MTREX: variants seen among roughly 807,000 people sequenced by gnomAD.
The protein encoded by MTREX is Mtr4 exosome RNA helicase.
In MTREX, 76 loss-of-function variants were observed where a neutral mutation model predicts 135.4. The observed-to-expected ratio is 0.56, with a 90% CI of 0.47 to 0.68. The LOEUF is 0.68. Ranked by LOEUF, MTREX falls within the 30% of genes least tolerant of loss-of-function variation. The pLI, the probability that MTREX is intolerant of heterozygous loss-of-function variation, is 0.00. For missense variants in MTREX, 920 were observed against 1,262.1 expected, an observed-to-expected ratio of 0.73 and a Z score of 4.11; for synonymous variants, 404 against 401.6, an observed-to-expected ratio of 1.01 and a Z score of -0.07.
intron 16 of MTREX, among the ~76,000 whole-genome samples, chr5:55,370,795 A>G (rs1294155306): frequency 6.6e-6 from 1 of 152,166 alleles, no homozygotes; most frequent in Non-Finnish European, 1.5e-5. Context: ...TTGCAGGAGT[A>G]TACTTCTTTT....
chr5:55,381,893 T>C (rs1750401592), intron 18 of MTREX, among the ~76,000 whole-genome samples: 1 of 152,236 alleles, frequency 6.6e-6, no homozygotes, highest in Admixed American at 6.5e-5. Context: ...TTTCCCTTCA[T>C]TTCTATCAGT....
rs368072163 is a variant in MTREX at position 55,312,014 on chromosome 5, A to G, written c.134+3867A>G. Among the ~76,000 whole-genome samples the G allele has an allele frequency of 9.9e-5, 15 of 152,196 alleles. 1 individual carries two copies. The highest frequency in any genetic ancestry group is 9.6e-4 in the East Asian group (5 of 5,194). On this transcript the variant is annotated intron_variant, in intron 1 of 26. Coordinates refer to ENST00000230640, the MANE Select transcript of MTREX (RefSeq NM_015360.5). Reference sequence around the variant, plus strand: ...TTACATCATAATGTCTGAATATTCTACTGTTCTAAGATTGACAAGTTGGCG... The same window carrying G: ...TTACATCATAATGTCTGAATATTCTGCTGTTCTAAGATTGACAAGTTGGCG...
At chr5:55,354,004 AAGAG>A (rs1407375995) in intron 14 of MTREX, among the ~76,000 whole-genome samples, 1 of 152,220 alleles carries the variant, frequency 6.6e-6, no homozygotes, top group Admixed American at 6.5e-5. Flanking sequence ...GGCAGAAGCA[AAGAG>A]AGAAAGTTGG....
chr5:55,425,112 T>C lies in MTREX; in HGVS notation c.*340T>C. On this transcript the variant is annotated 3_prime_UTR_variant, in exon 27 of 27. Coordinates refer to ENST00000230640, the MANE Select transcript of MTREX (RefSeq NM_015360.5). The stretch of plus-strand genomic sequence containing the variant: ...AGCAGCAGCAGAAGTCTTTAAAGGC[T>C]TGTACACCAGGAAGAAAGATGCATC... The C allele has an allele frequency of 6.8e-7, 1 of 1,472,024 alleles. No homozygotes were observed. Among genetic ancestry groups the C allele is most frequent in the Non-Finnish European group, 9.2e-7 (1 of 1,090,930 alleles). The allele number at this position is 1,472,024 out of a possible 1,614,324, so 91.2% of individuals were successfully genotyped here.
At chr5:55,373,402 C>T (rs1439176868) in intron 16 of MTREX, among the ~76,000 whole-genome samples, 1 of 151,736 alleles carries the variant, frequency 6.6e-6, no homozygotes, top group Non-Finnish European at 1.5e-5. Flanking sequence ...CCAGGGAGGA[C>T]AGGATTTGGG....
In MTREX at chr5:55,390,391, G is replaced by A. The variant is rs750008691; in HGVS notation, c.2181+2289G>A. Among the ~76,000 whole-genome samples the A allele has an allele frequency of 1.1e-4, 16 of 152,072 alleles. 1 individual carries two copies. The East Asian group carries it at 1.5e-3, about 15-fold the overall frequency. ...GCTGGGATTACGTGCATGAGCCACC[G>A]CACCTGGCCTTGAAGACTACTTTCT... is the stretch of plus-strand genomic sequence containing the variant. On this transcript the variant is annotated intron_variant, in intron 19 of 26. Coordinates refer to ENST00000230640, the MANE Select transcript of MTREX (RefSeq NM_015360.5).
At chr5:55,415,606 G>A (rs922084261) in intron 24 of MTREX, among the ~76,000 whole-genome samples, 1 of 152,168 alleles carries the variant, frequency 6.6e-6, no homozygotes, top group African/African-American at 2.4e-5. Context: ...AATGTATTTT[G>A]CTCTAGGATT....
At chr5:55,380,690 G>T (rs1191415293) in intron 18 of MTREX, among the ~76,000 whole-genome samples, 1 of 151,890 alleles carries the variant, frequency 6.6e-6, no homozygotes, top group Non-Finnish European at 1.5e-5. Flanking sequence ...TGTTTTTGAG[G>T]ATTTTTTATG....
chr5:55,396,913 G>T (rs1481011992), intron 19 of MTREX, among the ~76,000 whole-genome samples: 2 of 152,158 alleles, frequency 1.3e-5, no homozygotes, highest in Admixed American at 1.3e-4. Context: ...TTTGACAAGA[G>T]AAAACATGGA....
At chr5:55,345,743 T>G (rs1469712155) in intron 10 of MTREX, among the ~76,000 whole-genome samples, 1 of 121,918 alleles carries the variant, frequency 8.2e-6, no homozygotes, top group African/African-American at 3.7e-5. Flanking sequence ...CTTGGCTCAT[T>G]GCAACTTTCT....
chr5:55,345,951 G>A (rs1450287094), intron 10 of MTREX, among the ~76,000 whole-genome samples: 1 of 152,142 alleles, frequency 6.6e-6, no homozygotes, highest in Non-Finnish European at 1.5e-5. Flanking sequence ...ACAGGTGTGA[G>A]CCACTGTGCC....
chr5:55,322,245 G>A, intron 1 of MTREX, 82 bp from the exon 2 acceptor site: 1 of 1,122,822 alleles, frequency 8.9e-7, no homozygotes, highest in South Asian at 2.5e-5. Context: ...TTCTGTTAAT[G>A]GTATAGAGCA....
intron 18 of MTREX, among the ~76,000 whole-genome samples, chr5:55,379,713 A>G (rs897726739): frequency 2.0e-5 from 3 of 152,170 alleles, no homozygotes; most frequent in Admixed American, 6.5e-5. Context: ...TCTGACAGCT[A>G]TTAAATTCTC....
Position 55,366,892 on chromosome 5 carries a change from A to G in MTREX, c.1810+17A>G, listed in dbSNP as rs368592237. ...TAGTAGAGAGTAAGTATAAAATACC[A>G]TAACAGAGCTTAGTGTAGCTAGGAG... On this transcript the variant is annotated intron_variant, in intron 16 of 26. Transcript: ENST00000230640. 13 of 1,571,666 alleles carry G rather than the reference A, an allele frequency of 8.3e-6. No individual in the cohort carries two copies. The East Asian group carries it at 1.6e-4, about 19-fold the overall frequency.
At chr5:55,380,808 G>A (rs1750384382) in intron 18 of MTREX, among the ~76,000 whole-genome samples, 1 of 152,094 alleles carries the variant, frequency 6.6e-6, no homozygotes, top group African/African-American at 2.4e-5. Flanking sequence ...TTAGGGTAAT[G>A]CAGGCCTCAT....
At chr5:55,392,258 T>C (rs1241907264) in intron 19 of MTREX, among the ~76,000 whole-genome samples, 2 of 152,108 alleles carry the variant, frequency 1.3e-5, no homozygotes, top group East Asian at 1.9e-4. Context: ...TAAGTTCTCC[T>C]GTCTGGCCAG....
chr5:55,409,557 A>G (rs1750855218), intron 22 of MTREX, among the ~76,000 whole-genome samples: 1 of 152,218 alleles, frequency 6.6e-6, no homozygotes, highest in African/African-American at 2.4e-5. Flanking sequence ...AAGTCTGTAT[A>G]TGAAAATGTT....
rs1239609874 is a variant in MTREX at position 55,381,537 on chromosome 5, G to T, written c.2052+2342G>T. ...TAACCCATTGGTTATTTAGGAGAGT[G>T]TTAATGTTCACATACTTGTTAATTT... On this transcript the variant is annotated intron_variant, in intron 18 of 26. Coordinates refer to ENST00000230640, the MANE Select transcript of MTREX (RefSeq NM_015360.5). Among the ~76,000 whole-genome samples the T allele has an allele frequency of 2.6e-5, 4 of 152,100 alleles. No homozygotes were observed. In the South Asian group the frequency reaches 6.2e-4, roughly 24 times the overall value.
At chr5:55,365,951 A>G (rs1750096262) in intron 15 of MTREX, among the ~76,000 whole-genome samples, 1 of 151,132 alleles carries the variant, frequency 6.6e-6, no homozygotes. Flanking sequence ...AGATCACGCC[A>G]TTGCACTCCA....
Sources: gnomAD v4.1 joint callset for allele counts (sites outside exome capture counted in the v4.1 genomes callset) on GRCh38, gnomAD v4.1.1 for gene constraint, MANE v1.5 for transcripts, NCBI Gene and HGNC (gene_info 2026-07-23, HGNC 2026-07-21) for gene names.